The following SERPINB11 variants were observed in gnomAD, a reference collection of about 807,000 sequenced individuals.
SERPINB11 encodes serpin family B member 11.
SERPINB11 carries 32 observed loss-of-function variants against 36.7 expected under a neutral mutation model. That is an observed-to-expected ratio of 0.87 (90% CI 0.66 to 1.17). SERPINB11 has a LOEUF of 1.17. SERPINB11 is among the 50% of genes most tolerant of loss of function. The pLI is 0.00. For synonymous variants in SERPINB11, 174 were observed against 168.1 expected, an observed-to-expected ratio of 1.04 and a Z score of -0.27; for missense variants, 528 against 458.4, an observed-to-expected ratio of 1.15 and a Z score of -1.39.
At chr18:63,722,611 T>C (rs762966760) in intron 7 of SERPINB11, among the ~76,000 whole-genome samples, 1 of 152,106 alleles carries the variant, frequency 6.6e-6, no homozygotes, top group Non-Finnish European at 1.5e-5. Flanking sequence ...AGAATCACGC[T>C]CATAAAGGAG....
Position 63,720,053 on chromosome 18 carries a change from T to C in SERPINB11, c.516T>C (p.Pro172=), listed in dbSNP as rs1478446067. 1.9e-6 allele frequency: 3 copies of C among 1,610,360 alleles called. No homozygotes were observed. The highest frequency in any genetic ancestry group is 3.3e-4 in the Middle Eastern group (2 of 6,046). ...TCTTTGGAAAGAGCACAATTGACCC[T>C]TCATCTGTAATGGTCCTGGTGAATG... ...ANLFGKSTID[P]SSVMVLVNAI... is the part of the protein sequence containing the mutation. The change falls in exon 6 of 8, where the codon CCT becomes CCC. Residue 172 remains proline (P), a synonymous_variant. Transcript: ENST00000544088.
In SERPINB11 at chr18:63,722,952, G is replaced by A. The variant is rs181729002; in HGVS notation, c.775-43G>A. The A allele has an allele frequency of 1.2e-4, 187 of 1,496,610 alleles. No homozygotes were observed. In the African/African-American group the frequency reaches 1.9e-3, roughly 15 times the overall value. The allele number at this position is 1,496,610 out of a possible 1,614,324, so 92.7% of individuals were successfully genotyped here. ...ACATATGATATTTAATGTAGAGGTC[G>A]TGTGTTTGACTCATGTGGGCTTGTC... On this transcript the variant is annotated intron_variant, in intron 7 of 7. Transcript: ENST00000544088.
At position 63,723,767 on chromosome 18, in the gene SERPINB11, C is replaced by G. The variant is rs1399279265; in HGVS notation, c.*368C>G. On this transcript the variant is annotated 3_prime_UTR_variant, in exon 8 of 8. Transcript: ENST00000544088. ...CCTGACATCTCTGCTTAAAGAAAAC[C>G]AGCTGAAGGGCTTCAACTTTGCTTG... The G allele has an allele frequency of 5.6e-6, 1 of 179,198 alleles. No homozygotes were observed. The highest frequency in any genetic ancestry group is 1.2e-5 in the Non-Finnish European group (1 of 86,796). The allele number at this position is 179,198 out of a possible 1,614,324, so 11.1% of individuals were successfully genotyped here.
chr18:63,721,151 G>A (rs1400480910), intron 7 of SERPINB11, among the ~76,000 whole-genome samples, 165 bp downstream of exon 7: 1 of 152,184 alleles, frequency 6.6e-6, no homozygotes, highest in Non-Finnish European at 1.5e-5. Context: ...GAGACACATG[G>A]CCTCTGCCTT....
chr18:63,706,603 T>G (rs2144529407), intron 1 of SERPINB11, among the ~76,000 whole-genome samples: 1 of 152,286 alleles, frequency 6.6e-6, no homozygotes, highest in South Asian at 2.1e-4. Flanking sequence ...GTAACTATGC[T>G]ACAGAAAGGT....
At chr18:63,708,231 C>T (rs965989340) in intron 1 of SERPINB11, among the ~76,000 whole-genome samples, 1 of 152,180 alleles carries the variant, frequency 6.6e-6, no homozygotes, top group African/African-American at 2.4e-5. Flanking sequence ...ACTTTGTCTT[C>T]TTCTCTGAGT....
intron 4 of SERPINB11, among the ~76,000 whole-genome samples, chr18:63,714,897 G>T (rs894453229): frequency 6.6e-6 from 1 of 152,156 alleles, no homozygotes; most frequent in Admixed American, 6.5e-5. Context: ...AATCACAAGA[G>T]TATTGATTAG....
chr18:63,712,802 A>T, intron 4 of SERPINB11, 109 bp downstream of exon 4: 1 of 1,220,022 alleles, frequency 8.2e-7, no homozygotes, highest in Non-Finnish European at 1.2e-6. Flanking sequence ...TCATTAAGAG[A>T]TTGACTTTGT....
rs563852194 is a variant in SERPINB11, at chr18:63,720,973, C to T, written c.761C>T (p.Ala254Val). The T allele has an allele frequency of 1.9e-6, 3 of 1,608,278 alleles. No homozygotes were observed. The highest frequency in any genetic ancestry group is 2.7e-5 in the African/African-American group (2 of 74,910). Residue 254 changes from alanine (A) to valine (V), a missense_variant, in exon 7 of 8, where the codon GCT (alanine) becomes GTT (valine). By Grantham distance (64) the Ala-to-Val change is moderately conservative. Coordinates refer to ENST00000544088, the MANE Select transcript of SERPINB11 (RefSeq NM_001370475.1). The part of the protein sequence containing the change: ...SMIILLPVGI[A>V]NLKQIEKQLN... ...ATTATTCTGCTTCCAGTAGGCATAG[C>T]TAATCTGAAACAGGTAAAATTATAA...
intron 7 of SERPINB11, 132 bp downstream of exon 7, chr18:63,721,118 C>T (rs1346814134): frequency 1.4e-5 from 12 of 888,658 alleles, no homozygotes; most frequent in Middle Eastern, 3.5e-4. Context: ...GTAGGATTGT[C>T]CCGGGGGTGT....
Position 63,723,599 on chromosome 18 carries a change from T to C in SERPINB11, c.*200T>C, listed in dbSNP as rs953694. 0.71 allele frequency: 357,038 copies of C among 501,904 alleles called. 128,223 individuals carry two copies. Among genetic ancestry groups the C allele is most frequent in the East Asian group, 0.85 (27,796 of 32,556 alleles). 31.1% of individuals were successfully genotyped at this position (501,904 alleles called of 1,614,324 possible). On this transcript the variant is annotated 3_prime_UTR_variant, in exon 8 of 8. Coordinates refer to ENST00000544088, the MANE Select transcript of SERPINB11 (RefSeq NM_001370475.1). ...TTTGTTAATCATGGAAAAAGGTAGATTTATGCAGAAAGCCTTTCTGGCTTT... is the reference window on the plus strand; with the variant it reads ...TTTGTTAATCATGGAAAAAGGTAGACTTATGCAGAAAGCCTTTCTGGCTTT...
chr18:63,704,788 G>A (rs901366785), intron 1 of SERPINB11, among the ~76,000 whole-genome samples: 2 of 152,128 alleles, frequency 1.3e-5, no homozygotes, highest in African/African-American at 4.8e-5. Flanking sequence ...ATATAGTACT[G>A]GCACATACAT....
At chr18:63,709,502 T>G (rs1160940993) in intron 1 of SERPINB11, among the ~76,000 whole-genome samples, 1 of 151,896 alleles carries the variant, frequency 6.6e-6, no homozygotes, top group East Asian at 1.9e-4. Context: ...TCCCAGCTAC[T>G]CGGGAGGCTG....
At chr18:63,720,374 T>C in intron 6 of SERPINB11, 1 of 511,282 alleles carries the variant, frequency 2.0e-6, no homozygotes, top group Non-Finnish European at 3.4e-6. Context: ...TAAGATTCTC[T>C]GGCAGAGGAG....
rs775121004 is a variant in SERPINB11, at chr18:63,720,060, G to A, written c.523G>A (p.Val175Ile). 7.5e-6 allele frequency: 12 copies of A among 1,610,156 alleles called. No homozygotes were observed. Among genetic ancestry groups the A allele is most frequent in the African/African-American group, 1.3e-5 (1 of 74,832 alleles). Residue 175 changes from valine to isoleucine, a missense_variant, in exon 6 of 8, where the codon GTA becomes ATA. Physicochemically the swap from Val to Ile is conservative, Grantham distance 29 (BLOSUM62 3). Coordinates refer to ENST00000544088, the MANE Select transcript of SERPINB11 (RefSeq NM_001370475.1). ...AAAGAGCACAATTGACCCTTCATCT[G>A]TAATGGTCCTGGTGAATGCCATATA... ...FGKSTIDPSS[V>I]MVLVNAIYFK...
intron 5 of SERPINB11, among the ~76,000 whole-genome samples, chr18:63,717,331 T>G (rs1242249979): frequency 6.6e-6 from 1 of 152,062 alleles, no homozygotes; most frequent in Non-Finnish European, 1.5e-5. Context: ...AGTGCTGCTG[T>G]GAATATTTTT....
At chr18:63,703,161 C>T (rs1192045198) in intron 1 of SERPINB11, among the ~76,000 whole-genome samples, 155 bp downstream of exon 1, 1 of 152,168 alleles carries the variant, frequency 6.6e-6, no homozygotes, top group Non-Finnish European at 1.5e-5. Flanking sequence ...TTGCTGACCC[C>T]TTGATAAATA....
chr18:63,708,577 G>A (rs1438615165), intron 1 of SERPINB11, among the ~76,000 whole-genome samples: 2 of 152,198 alleles, frequency 1.3e-5, no homozygotes, highest in African/African-American at 4.8e-5. Flanking sequence ...GCCATTTACA[G>A]AGGTAAAGAA....
At chr18:63,719,527 G>A (rs1914750324) in intron 5 of SERPINB11, among the ~76,000 whole-genome samples, 1 of 151,974 alleles carries the variant, frequency 6.6e-6, no homozygotes, top group Admixed American at 6.6e-5. Flanking sequence ...TATGAATCTT[G>A]ATTTTCAGAT....
Sources: gnomAD v4.1 joint callset for allele counts (sites outside exome capture counted in the v4.1 genomes callset) on GRCh38, gnomAD v4.1.1 for gene constraint, MANE v1.5 for transcripts, NCBI Gene and HGNC (gene_info 2026-07-23, HGNC 2026-07-21) for gene names.